The following MAP1LC3A variants were observed in gnomAD, a reference collection of about 807,000 sequenced individuals.
MAP1LC3A encodes microtubule associated protein 1 light chain 3 alpha, also known as microtubule-associated protein 1 light chain 3 alpha.
Under a neutral mutation model 15.2 loss-of-function variants are expected in MAP1LC3A, and 10 were observed. The ratio of observed to expected loss-of-function variants is 0.66; its 90% CI spans 0.41 to 1.12. MAP1LC3A has a LOEUF of 1.12. Ranked by LOEUF, MAP1LC3A falls within the 50% of genes most tolerant of loss-of-function variation. The pLI, the probability that MAP1LC3A is intolerant of heterozygous loss-of-function variation, is 0.00. For synonymous variants in MAP1LC3A, 63 were observed against 64.3 expected (o/e 0.98, Z 0.10); for missense variants, 138 against 167.3 (o/e 0.82, Z 0.97).
At chr20:34,559,672 G>T (rs938647590) in intron 3 of MAP1LC3A, 64 bp from the exon 4 acceptor site, 1 of 1,511,332 alleles carries the variant, frequency 6.6e-7, no homozygotes, top group Non-Finnish European at 9.0e-7. Flanking sequence ...CATTCTGGGG[G>T]TCAGGGCTAT....
upstream of MAP1LC3A, among the ~76,000 whole-genome samples, chr20:34,555,087 C>T (rs938723619): frequency 6.6e-6 from 1 of 151,478 alleles, no homozygotes; most frequent in Admixed American, 6.6e-5. Flanking sequence ...GTCACTCAAA[C>T]GATCCTTCCT....
rs1982270405 is a variant in MAP1LC3A, at chr20:34,558,802, C to G, written c.-67C>G. On this transcript the variant is annotated 5_prime_UTR_variant, in exon 1 of 4. Transcript: ENST00000360668. The surrounding 1 kb of genome is among the most constrained non-coding windows in gnomAD (Gnocchi z 4.3). ...AGCGCGAGGCGCGGAGCCCCCGGAGCCCCCAAACCGCAGACACATCCCCGC... is the reference window on the plus strand; with the variant it reads ...AGCGCGAGGCGCGGAGCCCCCGGAGGCCCCAAACCGCAGACACATCCCCGC... 1 of 1,376,990 alleles carries G rather than the reference C, an allele frequency of 7.3e-7. No individual in the cohort carries two copies. The highest frequency in any genetic ancestry group is 9.3e-7 in the Non-Finnish European group (1 of 1,074,524). The allele number at this position is 1,376,990 out of a possible 1,614,324, so 85.3% of individuals were successfully genotyped here. A position where few individuals can be genotyped will look rare whatever the true frequency, so the allele number is the denominator to read the frequency against.
chr20:34,557,973 C>A, upstream of MAP1LC3A: 1 of 388,608 alleles, frequency 2.6e-6, no homozygotes, highest in Non-Finnish European at 3.5e-6. Context: ...TCTGCGCATT[C>A]TGCTCTGGAT....
upstream of MAP1LC3A, chr20:34,558,143 C>T (rs567704244): frequency 3.0e-6 from 3 of 984,276 alleles, no homozygotes; most frequent in South Asian, 1.4e-4. The surrounding 1 kb of genome is among the most constrained non-coding windows in gnomAD (Gnocchi z 4.3). Context: ...GAGCTGCTTC[C>T]GATCAGCCTC....
intron 3 of MAP1LC3A, 35 bp downstream of exon 3, chr20:34,559,488 G>A: frequency 6.3e-7 from 1 of 1,576,664 alleles, no homozygotes. Flanking sequence ...GGTGGCTAGG[G>A]TCGGGAGGGG....
intron 1 of MAP1LC3A, among the ~76,000 whole-genome samples, chr20:34,547,240 A>G (rs1427216346): frequency 3.9e-5 from 6 of 152,108 alleles, no homozygotes; most frequent in African/African-American, 1.4e-4. Flanking sequence ...AGCAGTCACC[A>G]TACAGCTGAA....
chr20:34,548,231 A>C (rs1367060648), intron 1 of MAP1LC3A, among the ~76,000 whole-genome samples: 1 of 152,238 alleles, frequency 6.6e-6, no homozygotes, highest in African/African-American at 2.4e-5. Flanking sequence ...TTCCAGAGAC[A>C]GAGCCTGGAC....
At chr20:34,558,419 G>C, upstream of MAP1LC3A, 3 of 992,756 alleles carry the variant, frequency 3.0e-6, no homozygotes, top group Non-Finnish European at 3.6e-6. The surrounding 1 kb of genome is among the most constrained non-coding windows in gnomAD (Gnocchi z 4.3). Flanking sequence ...CACAGACTCG[G>C]TGAGGGCGGG....
chr20:34,549,605 T>C (rs1600564272), intron 1 of MAP1LC3A, among the ~76,000 whole-genome samples: 1 of 152,050 alleles, frequency 6.6e-6, no homozygotes, highest in African/African-American at 2.4e-5. Flanking sequence ...GTGCTGAGAG[T>C]AGCAGCCCAG....
intron 2 of MAP1LC3A, among the ~76,000 whole-genome samples, chr20:34,550,298 T>C (rs926115039): frequency 6.6e-6 from 1 of 152,160 alleles, no homozygotes; most frequent in African/African-American, 2.4e-5. Context: ...CCTCTGCTGA[T>C]CCTCCTAGCA....
At chr20:34,558,548 A>C, upstream of MAP1LC3A, 1 of 1,141,462 alleles carries the variant, frequency 8.8e-7, no homozygotes, top group Non-Finnish European at 1.1e-6. The surrounding 1 kb of genome is among the most constrained non-coding windows in gnomAD (Gnocchi z 4.3). Context: ...GCTGCCCATG[A>C]CGTCACGGGA....
intron 3 of MAP1LC3A, 97 bp downstream of exon 3, chr20:34,559,550 C>T (rs1600574491): frequency 2.3e-6 from 3 of 1,298,764 alleles, no homozygotes; most frequent in East Asian, 4.8e-5. Context: ...GTGATGGGAC[C>T]GGGCGGTGGG....
At chr20:34,555,496 TCTCAAACTTCTGGG>T (rs1004058459), upstream of MAP1LC3A, among the ~76,000 whole-genome samples, 5 of 152,054 alleles carry the variant, frequency 3.3e-5, no homozygotes, top group South Asian at 2.1e-4. Context: ...CCCAGGCTGG[TCTCAAACTTCTGGG>T]CTCAAATGAT....
chr20:34,555,694 G>C (rs1982128059), upstream of MAP1LC3A, among the ~76,000 whole-genome samples: 1 of 149,848 alleles, frequency 6.7e-6, no homozygotes, highest in African/African-American at 2.5e-5. Context: ...TTTTGTCACC[G>C]AGGCTGGAAT....
intron 1 of MAP1LC3A, among the ~76,000 whole-genome samples, chr20:34,548,745 T>A (rs1226283262): frequency 1.3e-5 from 2 of 150,760 alleles, no homozygotes; most frequent in African/African-American, 4.9e-5. Flanking sequence ...TGCTCTTGTC[T>A]CCCAGGCTGG....
intron 3 of MAP1LC3A, 124 bp downstream of exon 3, chr20:34,559,577 G>A: frequency 8.1e-7 from 1 of 1,234,070 alleles, no homozygotes; most frequent in Non-Finnish European, 1.2e-6. Flanking sequence ...TTCTGGGGTG[G>A]CTGGAAAGGT....
upstream of MAP1LC3A, among the ~76,000 whole-genome samples, chr20:34,554,459 C>T (rs7268455): frequency 2.1e-5 from 3 of 141,906 alleles, no homozygotes; most frequent in Non-Finnish European, 3.0e-5. Context: ...CTGCAACCTC[C>T]GCCTCCCAGG....
chr20:34,557,784 G>A (rs567213666), upstream of MAP1LC3A, among the ~76,000 whole-genome samples: 2 of 152,078 alleles, frequency 1.3e-5, no homozygotes, highest in Admixed American at 1.3e-4. Flanking sequence ...AATTAGCTGG[G>A]GGTGGTGGCA....
rs541009523 is a variant in MAP1LC3A at position 34,548,791 on chromosome 20, C to T, written c.-73-1114C>T. Among the ~76,000 whole-genome samples the T allele has an allele frequency of 3.9e-5, 6 of 152,042 alleles. No homozygotes were observed. The South Asian group carries it at 8.3e-4, about 21-fold the overall frequency. On this transcript the variant is annotated intron_variant, in intron 1 of 4. Coordinates refer to the MAP1LC3A transcript ENST00000374837. ...CACAATCTCGACTCACTAAAACCTC[C>T]GCCTCCCGGGTTCAAGCAATTCTCC...
Sources: gnomAD v4.1 joint callset for allele counts (sites outside exome capture counted in the v4.1 genomes callset) on GRCh38, gnomAD v4.1.1 for gene constraint, Gnocchi (gnomAD v3.1) non-coding constraint, MANE v1.5 for transcripts, NCBI Gene and HGNC (gene_info 2026-07-23, HGNC 2026-07-21) for gene names.